The following TENT4A variants were observed in gnomAD, a reference collection of about 807,000 sequenced individuals.
TENT4A encodes terminal nucleotidyltransferase 4A, also known as DNA polymerase kappa.
Under a neutral mutation model 72.8 loss-of-function variants are expected in TENT4A, and 7 were observed. The ratio of observed to expected loss-of-function variants is 0.10; its 90% CI spans 0.05 to 0.18. The LOEUF (loss-of-function observed/expected upper bound fraction) is 0.18. Ranked by LOEUF, TENT4A falls within the 10% of genes least tolerant of loss-of-function variation. TENT4A has a pLI of 1.00. For synonymous variants in TENT4A, 456 were observed against 434.3 expected (o/e 1.05, Z -0.62); for missense variants, 831 against 1,017.7 (o/e 0.82, Z 2.50).
At chr5:6,714,898 A>G (rs1213613276) in intron 1 of TENT4A, 199 bp downstream of exon 1, 1 of 278,818 alleles carries the variant, frequency 3.6e-6, no homozygotes, top group African/African-American at 2.2e-5. Context: ...CCCAGATCCT[A>G]CAAGTAACAG....
At position 6,714,322 on chromosome 5, in the gene TENT4A, GTCC is replaced by G. The variant is rs550448818; in HGVS notation, c.345_347del (p.Ser117del). ...CGCCGTCGCTGTCGTCCTCGTCGTC[GTCC>G]TCCTCGTCCAACGCGGAGTCGGGCA... On this transcript the variant is annotated inframe_deletion, in exon 1 of 13. Transcript: ENST00000230859. 1.9e-4 allele frequency: 217 copies of G among 1,117,370 alleles called. 3 individuals carry two copies. The Admixed American group carries it at 0.01, about 52-fold the overall frequency. The allele number at this position is 1,117,370 out of a possible 1,614,324, so 69.2% of individuals were successfully genotyped here. A position where few individuals can be genotyped will look rare whatever the true frequency, so the allele number is the denominator to read the frequency against.
rs1187144334 is a variant in TENT4A at position 6,737,534 on chromosome 5, T to C, written c.741T>C (p.Phe247=). ...GACTACATGAGGAAATAATTGACTT[T>C]TATAACTTCATGTCCCCTTGTCCTG... The part of the protein sequence containing the change: ...IQGLHEEIID[F]YNFMSPCPEE... The change falls in exon 2 of 13, where the codon TTT becomes TTC. Residue 247 remains phenylalanine, a synonymous_variant. Transcript: ENST00000230859. 5 of 1,613,052 alleles carry C rather than the reference T, an allele frequency of 3.1e-6. No homozygotes were observed. The South Asian group carries it at 5.5e-5, about 18-fold the overall frequency.
chr5:6,746,373 A>G lies in TENT4A; in HGVS notation c.1405A>G (p.Met469Val), dbSNP rs1742095741. Residue 469 changes from methionine to valine, a missense_variant, in exon 7 of 13, where the codon ATG (methionine) becomes GTG (valine). This residue lies in a region of TENT4A where 197 missense variants were observed against 399.6 expected (regional missense o/e 0.49). Coordinates refer to ENST00000230859, the MANE Select transcript of TENT4A (RefSeq NM_006999.6). Reference protein sequence around the residue: ...YIAKEEIMKAMTSGYRPSMLC... With the variant: ...YIAKEEIMKAVTSGYRPSMLC... ...CGCCAAAGAGGAGATCATGAAAGCC[A>G]TGACCAGCGGGTACAGACCGTCGAT... The G allele has an allele frequency of 6.2e-7, 1 of 1,614,220 alleles. No homozygotes were observed. The highest frequency in any genetic ancestry group is 8.5e-7 in the Non-Finnish European group (1 of 1,180,034).
chr5:6,735,000 A>T (rs991152732), intron 1 of TENT4A, among the ~76,000 whole-genome samples: 1 of 152,204 alleles, frequency 6.6e-6, no homozygotes, highest in Middle Eastern at 3.2e-3. Context: ...AGGGTGGTGA[A>T]TGTGGCTGCA....
At chr5:6,740,274 G>C (rs956197397) in intron 4 of TENT4A, among the ~76,000 whole-genome samples, 2 of 152,172 alleles carry the variant, frequency 1.3e-5, no homozygotes, top group African/African-American at 4.8e-5. Context: ...GAACAACTTA[G>C]CTGTTCCTTT....
At chr5:6,727,192 T>C (rs1233997485) in intron 1 of TENT4A, among the ~76,000 whole-genome samples, 1 of 152,172 alleles carries the variant, frequency 6.6e-6, no homozygotes, top group Non-Finnish European at 1.5e-5. Flanking sequence ...CCCTCTTCCC[T>C]TCCCTTTTCC....
At chr5:6,752,462 A>T (rs1230134607) in intron 11 of TENT4A, among the ~76,000 whole-genome samples, 1 of 152,252 alleles carries the variant, frequency 6.6e-6, no homozygotes, top group Non-Finnish European at 1.5e-5. Flanking sequence ...TGGGACCTGG[A>T]CAGCAGGCAA....
At chr5:6,736,813 TACTC>T (rs1741529631) in intron 1 of TENT4A, among the ~76,000 whole-genome samples, 1 of 152,234 alleles carries the variant, frequency 6.6e-6, no homozygotes, top group South Asian at 2.1e-4. Context: ...AGGCCCTACT[TACTC>T]CTGTCCCACA....
At chr5:6,714,741 T>C (rs867175536) in intron 1 of TENT4A, 42 bp downstream of exon 1, 80 of 1,002,914 alleles carry the variant, frequency 8.0e-5, no homozygotes, top group African/African-American at 2.8e-4. Context: ...GCGGGGCCCA[T>C]GGTCCTGGCC....
chr5:6,753,015 C>G lies in TENT4A; in HGVS notation c.2162C>G (p.Ser721Trp), dbSNP rs773607777. The G allele has an allele frequency of 1.9e-6, 3 of 1,614,164 alleles. No individual in the cohort carries two copies. Among genetic ancestry groups the G allele is most frequent in the Non-Finnish European group, 1.7e-6 (2 of 1,180,020 alleles). ...CCCTCAGCGTCCCCCAACCCGCTCTCGAGCCCTCATCTGTATCATAAGGTA... is the reference window on the plus strand; with the variant it reads ...CCCTCAGCGTCCCCCAACCCGCTCTGGAGCCCTCATCTGTATCATAAGGTA... ...AIPSASPNPL[S>W]SPHLYHKQHN... Residue 721 changes from serine to tryptophan, a missense_variant, in exon 12 of 13, where the codon TCG becomes TGG. Ser to Trp is a radical substitution (Grantham distance 177, BLOSUM62 -3). This residue lies in a region of TENT4A where 332 missense variants were observed against 324.3 expected (regional missense o/e 1.02). Transcript: ENST00000230859.
In TENT4A at chr5:6,714,453, C is replaced by G. The variant is rs1740256104; in HGVS notation, c.470C>G (p.Pro157Arg). The G allele has an allele frequency of 8.5e-7, 1 of 1,176,700 alleles. No individual in the cohort carries two copies. The highest frequency in any genetic ancestry group is 1.0e-6 in the Non-Finnish European group (1 of 952,794). The allele number at this position is 1,176,700 out of a possible 1,614,324, so 72.9% of individuals were successfully genotyped here. ...GAFFNFADGA[P>R]SAPGTANGHP... ...TTCTTCAACTTCGCCGACGGCGCGC[C>G]CAGCGCCCCTGGCACAGCCAACGGG... Residue 157 changes from proline to arginine, a missense_variant, in exon 1 of 13, where the codon CCC becomes CGC. Transcript: ENST00000230859.
chr5:6,716,980 A>G (rs909695476), intron 1 of TENT4A, among the ~76,000 whole-genome samples: 1 of 152,212 alleles, frequency 6.6e-6, no homozygotes, highest in Admixed American at 6.5e-5. Context: ...CTGTGCCCAG[A>G]AGGGCACGGT....
In TENT4A at chr5:6,714,407, G is replaced by C. The variant is rs1357914955; in HGVS notation, c.424G>C (p.Gly142Arg). Residue 142 changes from glycine to arginine, a missense_variant, in exon 1 of 13, where the codon GGC (glycine) becomes CGC (arginine). Gly to Arg is a moderately radical substitution (Grantham distance 125). Transcript: ENST00000230859. ...SSSSASLGRP[G>R]GGRGGAFFNF... ...CAGCAGCGCCTCGCTGGGCCGGCCG[G>C]GCGGCGGCCGCGGCGGCGCCTTCTT... 1.8e-6 allele frequency: 2 copies of C among 1,142,760 alleles called. No individual in the cohort carries two copies. The highest frequency in any genetic ancestry group is 2.1e-6 in the Non-Finnish European group (2 of 931,720). The allele number at this position is 1,142,760 out of a possible 1,614,324, so 70.8% of individuals were successfully genotyped here.
chr5:6,743,947 A>G (rs1579487336), intron 6 of TENT4A, 107 bp downstream of exon 6: 3 of 980,280 alleles, frequency 3.1e-6, no homozygotes. Context: ...CTTTTACTGT[A>G]TTGTTTCAAT....
rs1740218303 is a variant in TENT4A at position 6,713,880 on chromosome 5, C to CCGT, written c.-103_-102insGTC. 1 of 249,962 alleles carries CCGT rather than the reference C, an allele frequency of 4.0e-6. No individual in the cohort carries two copies. Among genetic ancestry groups the CCGT allele is most frequent in the Non-Finnish European group, 6.2e-6 (1 of 160,408 alleles). 15.5% of individuals were successfully genotyped at this position (249,962 alleles called of 1,614,324 possible). A position where few individuals can be genotyped will look rare whatever the true frequency, so the allele number is the denominator to read the frequency against. ...CCGCCGCCGCCGCCACCGGCCCAGG[C>CCGT]CCGTCCGTCCGTCCGTGCGCGCGCG... On this transcript the variant is annotated 5_prime_UTR_variant, in exon 1 of 13. Transcript: ENST00000230859.
Position 6,754,899 on chromosome 5 carries a change from AAC to A in TENT4A, c.2346_2347del (p.Arg783GlyfsTer75), listed in dbSNP as rs768847736. 881 of 1,573,592 alleles carry A rather than the reference AAC, an allele frequency of 5.6e-4. No homozygotes were observed. The highest frequency in any genetic ancestry group is 1.4e-3 in the South Asian group (127 of 88,082). On this transcript the variant is annotated frameshift_variant, in exon 13 of 13. Transcript: ENST00000230859. LOFTEE classifies it high-confidence loss of function. ...AACCGCACCGGCTGGAGGAGGAAAA[AAC>A]ACACACACACACGGGACAGTCTGCC...
chr5:6,752,463 C>G (rs1742457941), intron 11 of TENT4A, among the ~76,000 whole-genome samples: 1 of 152,258 alleles, frequency 6.6e-6, no homozygotes, highest in Non-Finnish European at 1.5e-5. Flanking sequence ...GGGACCTGGA[C>G]AGCAGGCAAG....
intron 1 of TENT4A, among the ~76,000 whole-genome samples, chr5:6,721,916 G>C (rs978721842): frequency 1.3e-5 from 2 of 152,132 alleles, no homozygotes; most frequent in Admixed American, 1.3e-4. Flanking sequence ...CTGTCTTTCC[G>C]TTTGAAAGAG....
chr5:6,725,517 C>T (rs1217972971), intron 1 of TENT4A, among the ~76,000 whole-genome samples: 1 of 152,170 alleles, frequency 6.6e-6, no homozygotes, highest in African/African-American at 2.4e-5. Context: ...ACAGGAGGAC[C>T]TGGTGCTGTC....
Sources: allele counts gnomAD v4.1 joint callset (sites outside exome capture counted in the v4.1 genomes callset), GRCh38; gene constraint gnomAD v4.1.1; regional missense constraint gnomAD v4.1.1; transcripts MANE v1.5; gene names NCBI Gene and HGNC (gene_info 2026-07-23, HGNC 2026-07-21).